The following LIN9 variants were observed in gnomAD, a reference collection of about 807,000 sequenced individuals.
The protein encoded by LIN9 is lin-9 DREAM MuvB core complex component, also known as protein lin-9 homolog.
Under a neutral mutation model 78.0 loss-of-function variants are expected in LIN9, and 18 were observed. The ratio of observed to expected loss-of-function variants is 0.23; its 90% CI spans 0.16 to 0.34. LIN9 has a LOEUF of 0.34. Among genes scored for constraint, LIN9 ranks in the 10% least tolerant of loss-of-function variants. The pLI is 1.00. For synonymous variants in LIN9, 192 were observed against 215.2 expected (o/e 0.89, Z 0.94); for missense variants, 451 against 644.1 (o/e 0.70, Z 3.25).
chr1:226,303,886 G>A (rs1477457420), intron 1 of LIN9, among the ~76,000 whole-genome samples: 3 of 152,234 alleles, frequency 2.0e-5, no homozygotes, highest in African/African-American at 4.8e-5. Flanking sequence ...GATTATAGGC[G>A]TGAGCCACCG....
chr1:226,263,740 C>T (rs1394665728), intron 10 of LIN9, among the ~76,000 whole-genome samples: 1 of 152,000 alleles, frequency 6.6e-6, no homozygotes. Context: ...CTTGAGAAGC[C>T]AAAGGTATAA....
At chr1:226,309,447 C>A, upstream of LIN9, 1 of 1,083,768 alleles carries the variant, frequency 9.2e-7, no homozygotes, top group Non-Finnish European at 1.1e-6. Flanking sequence ...AGTACCAGCT[C>A]CGGAGTCCCG....
intron 6 of LIN9, among the ~76,000 whole-genome samples, chr1:226,283,797 A>C (rs941577492): frequency 6.6e-6 from 1 of 152,032 alleles, no homozygotes; most frequent in Non-Finnish European, 1.5e-5. Context: ...AAAATACAAA[A>C]GTTAGCCAGG....
At position 226,231,732 on chromosome 1, in the gene LIN9, T is replaced by A. The variant is rs187348202; in HGVS notation, c.*769A>T. On this transcript the variant is annotated 3_prime_UTR_variant, in exon 15 of 15. Coordinates refer to ENST00000681046, the MANE Select transcript of LIN9 (RefSeq NM_001366245.2). ...AAATAGTGTGTTATCATTTTTTTTTTAATAAATCTCACAACAATGCACTTT... is the reference window on the plus strand; with the variant it reads ...AAATAGTGTGTTATCATTTTTTTTTAAATAAATCTCACAACAATGCACTTT... 240 of 156,700 alleles carry A rather than the reference T, an allele frequency of 1.5e-3. No individual in the cohort carries two copies. Among genetic ancestry groups the A allele is most frequent in the East Asian group, 8.6e-3 (47 of 5,436 alleles). The allele number at this position is 156,700 out of a possible 1,614,324, so 9.7% of individuals were successfully genotyped here. A position where few individuals can be genotyped will look rare whatever the true frequency, so the allele number is the denominator to read the frequency against.
Position 226,277,846 on chromosome 1 carries a change from G to C in LIN9, c.611C>G (p.Ala204Gly), listed in dbSNP as rs1404054419. 1 of 1,613,656 alleles carries C rather than the reference G, an allele frequency of 6.2e-7. No homozygotes were observed. The highest frequency in any genetic ancestry group is 8.5e-7 in the Non-Finnish European group (1 of 1,179,732). The change falls in exon 7 of 15, where the codon GCA becomes GGA. Residue 204 changes from alanine to glycine, a missense_variant. Physicochemically the swap from Ala to Gly is moderately conservative, Grantham distance 60. Coordinates refer to ENST00000681046, the MANE Select transcript of LIN9 (RefSeq NM_001366245.2). ...GAGATCTTTGAATTGTGAAACATCT[G>C]CAACTTTCCTTTGTTGTAAGAGCCT... ...KIRLLQQRKV[A>G]DVSQFKDLPD...
chr1:226,240,217 G>C (rs1376183324), intron 11 of LIN9, among the ~76,000 whole-genome samples: 1 of 152,150 alleles, frequency 6.6e-6, no homozygotes, highest in Non-Finnish European at 1.5e-5. Context: ...AAATAGAGCT[G>C]ACTAACGTGC....
intron 4 of LIN9, among the ~76,000 whole-genome samples, chr1:226,289,390 T>TC (rs1661582755): frequency 1.3e-5 from 2 of 152,120 alleles, no homozygotes; most frequent in Admixed American, 1.3e-4. Flanking sequence ...AGACAGGGTC[T>TC]CTCTCTCTGT....
At chr1:226,297,688 T>C in intron 3 of LIN9, 31 bp downstream of exon 3, 1 of 1,414,640 alleles carries the variant, frequency 7.1e-7, no homozygotes, top group South Asian at 1.3e-5. Context: ...GCTAGAATTA[T>C]TCTAAAATGT....
Position 226,231,632 on chromosome 1 carries a change from T to A in LIN9, c.*869A>T, listed in dbSNP as rs1227323420. ...TGTTTTCCTTATAAAATCTTTTTAC[T>A]TTATAAATTGTGTACTGTTGGATTT... On this transcript the variant is annotated 3_prime_UTR_variant, in exon 15 of 15. Coordinates refer to ENST00000681046, the MANE Select transcript of LIN9 (RefSeq NM_001366245.2). The A allele has an allele frequency of 6.6e-6, 1 of 152,598 alleles. No individual in the cohort carries two copies. The highest frequency in any genetic ancestry group is 1.5e-5 in the Non-Finnish European group (1 of 68,034). The allele number at this position is 152,598 out of a possible 1,614,324, so 9.5% of individuals were successfully genotyped here.
chr1:226,247,236 A>G (rs1206891742), intron 11 of LIN9, among the ~76,000 whole-genome samples: 1 of 151,912 alleles, frequency 6.6e-6, no homozygotes, highest in Non-Finnish European at 1.5e-5. Context: ...ATTTTGTCTC[A>G]TCTCTTTTAA....
upstream of LIN9, chr1:226,309,679 A>C: frequency 7.8e-7 from 1 of 1,282,910 alleles, no homozygotes; most frequent in Non-Finnish European, 1.0e-6. Flanking sequence ...TTTTCCCGAG[A>C]CCGCCGGCCG....
chr1:226,267,230 G>GATAC (rs1553278686), intron 8 of LIN9, among the ~76,000 whole-genome samples: 34 of 137,700 alleles, frequency 2.5e-4, no homozygotes, highest in Non-Finnish European at 1.7e-4. Flanking sequence ...GCACTAAGGA[G>GATAC]ATATATATAT....
chr1:226,245,186 G>A (rs997249555), intron 11 of LIN9, among the ~76,000 whole-genome samples: 4 of 152,104 alleles, frequency 2.6e-5, no homozygotes, highest in Non-Finnish European at 4.4e-5. Flanking sequence ...TTTATGTGAC[G>A]CCAGAGTCTT....
chr1:226,233,482 T>G lies in LIN9; in HGVS notation c.1287A>C (p.Thr429=), dbSNP rs1473765278. ...CTTCCTCACACCTGCGTCTCATATCTGTTGGCTGATCTGCAGGCTGGAGCC... is the reference window on the plus strand; with the variant it reads ...CTTCCTCACACCTGCGTCTCATATCGGTTGGCTGATCTGCAGGCTGGAGCC... ...DQGLQPADQP[T]DMRRRCEEEA... Residue 429 remains threonine, a synonymous_variant, in exon 13 of 15, where the codon ACA becomes ACC. Coordinates refer to ENST00000681046, the MANE Select transcript of LIN9 (RefSeq NM_001366245.2). 1 of 1,614,106 alleles carries G rather than the reference T, an allele frequency of 6.2e-7. No individual in the cohort carries two copies. Among genetic ancestry groups the G allele is most frequent in the African/African-American group, 1.3e-5 (1 of 75,060 alleles).
chr1:226,252,176 A>G (rs947603681), intron 10 of LIN9, among the ~76,000 whole-genome samples: 1 of 151,966 alleles, frequency 6.6e-6, no homozygotes, highest in African/African-American at 2.4e-5. Flanking sequence ...CCAGTTACTC[A>G]GGAGGCTGAG....
At chr1:226,292,833 A>C (rs573910340) in intron 4 of LIN9, among the ~76,000 whole-genome samples, 1 of 152,290 alleles carries the variant, frequency 6.6e-6, no homozygotes, top group South Asian at 2.1e-4. Context: ...CTCTGGAGAC[A>C]GGCTGCCTGA....
Position 226,233,129 on chromosome 1 carries a change from T to A in LIN9, c.1490A>T (p.Asp497Val), listed in dbSNP as rs778959811. The change falls in exon 14 of 15, where the codon GAT becomes GTT. Residue 497 changes from aspartate to valine, a missense_variant. Physicochemically the swap from Asp to Val is radical, Grantham distance 152 (BLOSUM62 -3). Transcript: ENST00000681046. ...EFKSLTDSLN[D>V]IKSTIDASNI... Reference sequence around the variant, plus strand: ...AGAAGCGTCTATTGTACTCTTGATATCATTTAATGAGTCTGTAAGTGATTT... The same window carrying A: ...AGAAGCGTCTATTGTACTCTTGATAACATTTAATGAGTCTGTAAGTGATTT... 1.2e-6 allele frequency: 2 copies of A among 1,606,536 alleles called. No individual in the cohort carries two copies. Among genetic ancestry groups the A allele is most frequent in the African/African-American group, 2.7e-5 (2 of 74,604 alleles).
At chr1:226,298,174 T>C (rs1370081229) in intron 2 of LIN9, among the ~76,000 whole-genome samples, 1 of 152,216 alleles carries the variant, frequency 6.6e-6, no homozygotes, top group African/African-American at 2.4e-5. Flanking sequence ...GAAAAAGCCT[T>C]TTCTAACCTT....
chr1:226,237,820 G>A (rs1340197434), intron 12 of LIN9, among the ~76,000 whole-genome samples: 1 of 145,804 alleles, frequency 6.9e-6, no homozygotes, highest in African/African-American at 2.6e-5. Context: ...GGGCATGGTG[G>A]TGCACAGCTG....
Sources: gnomAD v4.1 joint callset for allele counts (sites outside exome capture counted in the v4.1 genomes callset) on GRCh38, gnomAD v4.1.1 for gene constraint, MANE v1.5 for transcripts, NCBI Gene and HGNC (gene_info 2026-07-23, HGNC 2026-07-21) for gene names.